Variants in ADH1C observed in about 807,000 individuals in gnomAD.
ADH1C encodes alcohol dehydrogenase 1C.
Under a neutral mutation model 35.0 loss-of-function variants are expected in ADH1C, and 26 were observed. The observed-to-expected ratio is 0.74, with a 90% CI of 0.54 to 1.03. The LOEUF (loss-of-function observed/expected upper bound fraction) is 1.03. ADH1C is among the 50% of genes least tolerant of loss of function. The pLI, the probability that ADH1C is intolerant of heterozygous loss-of-function variation, is 0.00. For missense variants in ADH1C, 413 were observed against 465.4 expected (o/e 0.89, Z 1.04); for synonymous variants, 170 against 169.3 (o/e 1.00, Z -0.03).
intron 8 of ADH1C, 73 bp downstream of exon 8, chr4:99,339,504 T>G: frequency 7.9e-7 from 1 of 1,270,022 alleles, no homozygotes; most frequent in Non-Finnish European, 1.0e-6. Context: ...CATTCTCTGC[T>G]AGACAACGCC....
chr4:99,343,769 T>C (rs1734466952), intron 5 of ADH1C, among the ~76,000 whole-genome samples: 2 of 152,290 alleles, frequency 1.3e-5, no homozygotes, highest in Middle Eastern at 3.4e-3. Context: ...GATGAGGCAA[T>C]TGAACAAGGG....
chr4:99,342,206 T>A (rs1734432176), intron 6 of ADH1C, among the ~76,000 whole-genome samples: 1 of 152,138 alleles, frequency 6.6e-6, no homozygotes, highest in African/African-American at 2.4e-5. Flanking sequence ...TGACTTTATT[T>A]AAAGCATTCA....
At chr4:99,339,909 T>A (rs1443387413) in intron 7 of ADH1C, among the ~76,000 whole-genome samples, 194 bp from the exon 8 acceptor site, 1 of 152,114 alleles carries the variant, frequency 6.6e-6, no homozygotes, top group Admixed American at 6.6e-5. Flanking sequence ...TAAACAAGGG[T>A]CCTTAGTTAT....
intron 1 of ADH1C, chr4:99,350,918 A>T (rs1355357209): frequency 6.6e-6 from 1 of 152,230 alleles, no homozygotes; most frequent in Non-Finnish European, 1.5e-5. Context: ...TGGGCGGATC[A>T]CCTGAAGTCA....
chr4:99,350,365 G>A (rs1006924229), intron 1 of ADH1C, among the ~76,000 whole-genome samples: 1 of 152,266 alleles, frequency 6.6e-6, no homozygotes, highest in African/African-American at 2.4e-5. Flanking sequence ...TGCTGCATGT[G>A]TCACCCGAGC....
intron 6 of ADH1C, 23 bp from the exon 7 acceptor site, chr4:99,340,733 T>C (rs577159192): frequency 1.9e-6 from 3 of 1,612,070 alleles, no homozygotes; most frequent in Admixed American, 1.7e-5. Flanking sequence ...GAACATTTAG[T>C]ATCCTTAACG....
At chr4:99,348,666 G>A (rs2110662697) in intron 1 of ADH1C, among the ~76,000 whole-genome samples, 1 of 150,656 alleles carries the variant, frequency 6.6e-6, no homozygotes, top group South Asian at 2.1e-4. Context: ...TGGGTCAAAT[G>A]GTATTTCCAG....
intron 4 of ADH1C, 36 bp from the exon 5 acceptor site, chr4:99,345,117 A>G (rs1263172725): frequency 2.5e-6 from 4 of 1,614,086 alleles, no homozygotes; most frequent in Non-Finnish European, 8.5e-7. Flanking sequence ...CAAAGGCATG[A>G]GACAGGACCA....
chr4:99,348,905 T>G (rs1734606946), intron 1 of ADH1C, among the ~76,000 whole-genome samples: 1 of 151,082 alleles, frequency 6.6e-6, no homozygotes, highest in African/African-American at 2.4e-5. Flanking sequence ...TCATGTGTTT[T>G]TTGGCTGCAT....
chr4:99,343,230 A>C (rs1342191050), intron 5 of ADH1C, among the ~76,000 whole-genome samples, 175 bp from the exon 6 acceptor site: 2 of 152,220 alleles, frequency 1.3e-5, no homozygotes, highest in Non-Finnish European at 2.9e-5. Context: ...AAGGGGTTGA[A>C]TTAGTTGAGT....
At chr4:99,349,052 G>A (rs1220012472) in intron 1 of ADH1C, among the ~76,000 whole-genome samples, 107 of 140,182 alleles carry the variant, frequency 7.6e-4, no homozygotes, top group Non-Finnish European at 1.4e-3. Context: ...AGTAGGTTGC[G>A]AAAATTTTCT....
intron 6 of ADH1C, among the ~76,000 whole-genome samples, chr4:99,341,619 G>C (rs1190520642): frequency 6.6e-6 from 1 of 152,188 alleles, no homozygotes; most frequent in African/African-American, 2.4e-5. Flanking sequence ...TTTGATCTCA[G>C]GGTGCTGCTC....
At chr4:99,351,401 G>A (rs923950877) in intron 1 of ADH1C, among the ~76,000 whole-genome samples, 1 of 152,120 alleles carries the variant, frequency 6.6e-6, no homozygotes, top group African/African-American at 2.4e-5. Flanking sequence ...ATGAAATGCT[G>A]TCAAAAAGCT....
At chr4:99,348,591 G>A (rs1734599717) in intron 1 of ADH1C, among the ~76,000 whole-genome samples, 1 of 150,826 alleles carries the variant, frequency 6.6e-6, no homozygotes. Flanking sequence ...AAACATACGT[G>A]TGCATGTGTC....
chr4:99,336,597 T>C lies in ADH1C; in HGVS notation c.*155A>G. 1 of 913,016 alleles carries C rather than the reference T, an allele frequency of 1.1e-6. No individual in the cohort carries two copies. The highest frequency in any genetic ancestry group is 2.7e-5 in the Admixed American group (1 of 37,480). 56.6% of individuals were successfully genotyped at this position (913,016 alleles called of 1,614,324 possible). A position where few individuals can be genotyped will look rare whatever the true frequency, so the allele number is the denominator to read the frequency against. Reference sequence around the variant, plus strand: ...TTAAACATTTGCTTGACAAATAATTTCCCATCAATTTCCATTTCTTTGGAA... The same window carrying C: ...TTAAACATTTGCTTGACAAATAATTCCCCATCAATTTCCATTTCTTTGGAA... On this transcript the variant is annotated 3_prime_UTR_variant, in exon 9 of 9. Coordinates refer to ENST00000515683, the MANE Select transcript of ADH1C (RefSeq NM_000669.5).
chr4:99,343,451 C>A (rs1258400355), intron 5 of ADH1C, among the ~76,000 whole-genome samples: 1 of 152,162 alleles, frequency 6.6e-6, no homozygotes, highest in Non-Finnish European at 1.5e-5. Context: ...CTCTCAATTG[C>A]TGAAATCCCT....
intron 5 of ADH1C, among the ~76,000 whole-genome samples, chr4:99,344,215 C>T (rs1734475227): frequency 6.6e-6 from 1 of 152,180 alleles, no homozygotes; most frequent in Non-Finnish European, 1.5e-5. Context: ...TTTCAGTCTA[C>T]TCAGATGAGG....
At chr4:99,347,944 G>A (rs1242428156) in intron 1 of ADH1C, 98 bp from the exon 2 acceptor site, 1 of 1,343,052 alleles carries the variant, frequency 7.4e-7, no homozygotes, top group Non-Finnish European at 1.1e-6. Context: ...TGAGTCCCAT[G>A]TCTGGCACCT....
rs369178099 is a variant in ADH1C at position 99,345,250 on chromosome 4, C to A, written c.276G>T (p.Pro92=). 1.2e-6 allele frequency: 2 copies of A among 1,613,636 alleles called. No homozygotes were observed. Among genetic ancestry groups the A allele is most frequent in the Non-Finnish European group, 1.7e-6 (2 of 1,179,782 alleles). The change falls in exon 4 of 9, where the codon CCG becomes CCT. Residue 92 remains proline, a synonymous_variant. Coordinates refer to ENST00000515683, the MANE Select transcript of ADH1C (RefSeq NM_000669.5). ...TTVKPGDKVI[P]LFTPQCGKCR... Reference sequence around the variant, plus strand: ...ATTTTCCACACTGAGGAGTAAAGAGCGGGATGACTTTATCACCTGCAGAGG... The same window carrying A: ...ATTTTCCACACTGAGGAGTAAAGAGAGGGATGACTTTATCACCTGCAGAGG...
Sources: allele counts gnomAD v4.1 joint callset (sites outside exome capture counted in the v4.1 genomes callset), GRCh38; gene constraint gnomAD v4.1.1; transcripts MANE v1.5; gene names NCBI Gene and HGNC (gene_info 2026-07-23, HGNC 2026-07-21).